SIGMAR1: variants seen among roughly 807,000 people sequenced by gnomAD.
SIGMAR1 encodes the protein SR31747 binding protein 1.
Under a neutral mutation model 25.4 loss-of-function variants are expected in SIGMAR1, and 18 were observed. The observed-to-expected ratio is 0.71, with a 90% confidence interval of 0.49 to 1.05. The LOEUF (loss-of-function observed/expected upper bound fraction) is 1.05, where lower values mean the gene tolerates loss of function less well. Among genes scored for constraint, SIGMAR1 ranks in the 50% least tolerant of loss-of-function variants. The pLI, the probability that SIGMAR1 is intolerant of heterozygous loss-of-function variation, is 0.00. For missense variants in SIGMAR1, 249 were observed against 301.6 expected, an observed-to-expected ratio of 0.83 and a Z score of 1.29; for synonymous variants, 125 against 131.6, an observed-to-expected ratio of 0.95 and a Z score of 0.34.
intron 2 of SIGMAR1, 25 bp from the exon 3 acceptor site, chr9:34,637,114 T>C (rs1432332418): frequency 1.2e-6 from 2 of 1,613,182 alleles, no homozygotes; most frequent in African/African-American, 1.3e-5. Flanking sequence ...CACATGACAC[T>C]ATCAGGGTAT....
In SIGMAR1 at chr9:34,635,315, C is replaced by A; in HGVS notation, c.*317G>T. ...GGGAAGCTGTGGAGCTATGGAAAGG[C>A]CTCAGTTAGTGAGTCAAGCTGTGAT... On this transcript the variant is annotated 3_prime_UTR_variant, in exon 4 of 4. Transcript: ENST00000277010. The surrounding 1 kb of genome is among the most constrained non-coding windows in gnomAD (Gnocchi z 4.5). 2.4e-6 allele frequency: 1 copy of A among 408,828 alleles called. No individual in the cohort carries two copies. Among genetic ancestry groups the A allele is most frequent in the South Asian group, 2.1e-5 (1 of 46,862 alleles). 25.3% of individuals were successfully genotyped at this position (408,828 alleles called of 1,614,324 possible).
rs138316977 is a variant in SIGMAR1, at chr9:34,635,630, G to A, written c.*2C>T. 1.2e-6 allele frequency: 2 copies of A among 1,614,102 alleles called. No individual in the cohort carries two copies. Among genetic ancestry groups the A allele is most frequent in the Non-Finnish European group, 8.5e-7 (1 of 1,179,958 alleles). The stretch of plus-strand genomic sequence containing the variant: ...CGCAGGTCTTCCTTCAGGCCTGGCT[G>A]GTCAAGGGTCCTGGCCAAAGAGGTA... On this transcript the variant is annotated 3_prime_UTR_variant, in exon 4 of 4. Transcript: ENST00000277010. This position sits in a 1 kb window ranked among gnomAD's most constrained non-coding sequence, Gnocchi z 4.5.
rs140376902 is a variant in SIGMAR1, at chr9:34,637,378, A to T, written c.194T>A (p.Leu65Gln). 178 of 1,605,952 alleles carry T rather than the reference A, an allele frequency of 1.1e-4. No individual in the cohort carries two copies. The highest frequency in any genetic ancestry group is 1.5e-4 in the Non-Finnish European group (174 of 1,179,632). The change falls in exon 2 of 4, where the codon CTG becomes CAG. Residue 65 changes from leucine to glutamine, a missense_variant. Leu to Gln is a moderately radical substitution (Grantham distance 113, BLOSUM62 -2). Coordinates refer to ENST00000277010, the MANE Select transcript of SIGMAR1 (RefSeq NM_005866.4). ...CACGTGGCCTGGGTGCAGCCGCCGC[A>T]GCTCCACGATCAGACGAGAGAAGGC... ...ELAFSRLIVE[L>Q]RRLHPGHVLP...
Position 34,635,521 on chromosome 9 carries a change from C to T in SIGMAR1, c.*111G>A. On this transcript the variant is annotated 3_prime_UTR_variant, in exon 4 of 4. Transcript: ENST00000277010. This position sits in a 1 kb window ranked among gnomAD's most constrained non-coding sequence, Gnocchi z 4.5. ...TATCCCTGCTCATACAGCAGGAACTCAGGATCTGCATGGTGTATGTCCCTG... is the reference window on the plus strand; with the variant it reads ...TATCCCTGCTCATACAGCAGGAACTTAGGATCTGCATGGTGTATGTCCCTG... 6.6e-7 allele frequency: 1 copy of T among 1,509,578 alleles called. No individual in the cohort carries two copies. The highest frequency in any genetic ancestry group is 1.4e-5 in the African/African-American group (1 of 72,574). The allele number at this position is 1,509,578 out of a possible 1,614,324, so 93.5% of individuals were successfully genotyped here. A position where few individuals can be genotyped will look rare whatever the true frequency, so the allele number is the denominator to read the frequency against.
chr9:34,635,949 G>A lies in SIGMAR1; in HGVS notation c.446-91C>T. Reference sequence around the variant, plus strand: ...CCTGGCCCATGGACTAACTAGGGGTGGGGAATGGAGAGGGAGCTTCAGAAA... The same window carrying A: ...CCTGGCCCATGGACTAACTAGGGGTAGGGAATGGAGAGGGAGCTTCAGAAA... On this transcript the variant is annotated intron_variant, in intron 3 of 3. Transcript: ENST00000277010. The surrounding 1 kb of genome is among the most constrained non-coding windows in gnomAD (Gnocchi z 4.5). 2.5e-6 allele frequency: 4 copies of A among 1,569,024 alleles called. No homozygotes were observed. The South Asian group carries it at 4.5e-5, about 18-fold the overall frequency.
At chr9:34,636,974 T>C in intron 3 of SIGMAR1, 23 bp downstream of exon 3, 1 of 1,603,248 alleles carries the variant, frequency 6.2e-7, no homozygotes, top group South Asian at 1.1e-5. Context: ...GACCCACTTC[T>C]CTGACAGAGC....
chr9:34,637,758 T>C lies in SIGMAR1; in HGVS notation c.-61A>G, dbSNP rs1019163958. On this transcript the variant is annotated 5_prime_UTR_variant, in exon 1 of 4. Transcript: ENST00000277010. ...GGAGCCGGGGCCTGAGGCTTTGCGC[T>C]CACGGCCTCGGAGCCCGCCGGCTGC... 12 of 1,249,274 alleles carry C rather than the reference T, an allele frequency of 9.6e-6. No individual in the cohort carries two copies. The highest frequency in any genetic ancestry group is 8.0e-5 in the African/African-American group (5 of 62,732). 77.4% of individuals were successfully genotyped at this position (1,249,274 alleles called of 1,614,324 possible). A position where few individuals can be genotyped will look rare whatever the true frequency, so the allele number is the denominator to read the frequency against.
Position 34,637,547 on chromosome 9 carries a change from C to T in SIGMAR1, c.151G>A (p.Gly51Arg). 1 of 1,584,910 alleles carries T rather than the reference C, an allele frequency of 6.3e-7. No homozygotes were observed. Among genetic ancestry groups the T allele is most frequent in the Non-Finnish European group, 8.5e-7 (1 of 1,169,964 alleles). Residue 51 changes from glycine (G) to arginine (R), a missense_variant and splice_region_variant, in exon 1 of 4, where the codon GGG becomes AGG. Coordinates refer to ENST00000277010, the MANE Select transcript of SIGMAR1 (RefSeq NM_005866.4). ...EIAQLARQYA[G>R]LDHELAFSRL... ...CCCTCCCTGCCCTCTGCCCGCTCAC[C>T]AGCGTACTGCCGCGCCAACTGCGCT...
At position 34,637,536 on chromosome 9, in the gene SIGMAR1, T is replaced by C; in HGVS notation, c.151+11A>G. On this transcript the variant is annotated intron_variant, in intron 1 of 3. Coordinates refer to ENST00000277010, the MANE Select transcript of SIGMAR1 (RefSeq NM_005866.4). ...GCCGGCCGCTCCCCTCCCTGCCCTC[T>C]GCCCGCTCACCAGCGTACTGCCGCG... The C allele has an allele frequency of 3.2e-6, 5 of 1,585,474 alleles. No individual in the cohort carries two copies. The highest frequency in any genetic ancestry group is 2.3e-5 in the East Asian group (1 of 43,576).
chr9:34,635,779 C>G lies in SIGMAR1; in HGVS notation c.525G>C (p.Arg175=). ...GPNTWMVEYG[R]GVIPSTLAFA... ...AGGCCAGGGTGGATGGGATGACGCC[C>G]CGGCCGTACTCCACCATCCATGTGT... Residue 175 remains arginine (R), a synonymous_variant, in exon 4 of 4, where the codon CGG becomes CGC. Coordinates refer to ENST00000277010, the MANE Select transcript of SIGMAR1 (RefSeq NM_005866.4). This position sits in a 1 kb window ranked among gnomAD's most constrained non-coding sequence, Gnocchi z 4.5. 6.2e-7 allele frequency: 1 copy of G among 1,614,206 alleles called. No homozygotes were observed. The highest frequency in any genetic ancestry group is 8.5e-7 in the Non-Finnish European group (1 of 1,180,038).
Position 34,635,314 on chromosome 9 carries a change from G to T in SIGMAR1, c.*318C>A. On this transcript the variant is annotated 3_prime_UTR_variant, in exon 4 of 4. Transcript: ENST00000277010. The surrounding 1 kb of genome is among the most constrained non-coding windows in gnomAD (Gnocchi z 4.5). ...TGGGAAGCTGTGGAGCTATGGAAAG[G>T]CCTCAGTTAGTGAGTCAAGCTGTGA... 4.9e-6 allele frequency: 2 copies of T among 407,468 alleles called. No individual in the cohort carries two copies. The highest frequency in any genetic ancestry group is 4.3e-5 in the South Asian group (2 of 46,842). 25.2% of individuals were successfully genotyped at this position (407,468 alleles called of 1,614,324 possible).
Position 34,635,899 on chromosome 9 carries a change from C to T in SIGMAR1, c.446-41G>A. 1 of 1,611,740 alleles carries T rather than the reference C, an allele frequency of 6.2e-7. No homozygotes were observed. Among genetic ancestry groups the T allele is most frequent in the Non-Finnish European group, 8.5e-7 (1 of 1,179,678 alleles). ...CACCCAAGTGAAAAGCCAGCTCTGC[C>T]CTGCCCTTCCATGGCTGCTGCTTCC... On this transcript the variant is annotated intron_variant, in intron 3 of 3. Coordinates refer to ENST00000277010, the MANE Select transcript of SIGMAR1 (RefSeq NM_005866.4). The surrounding 1 kb of genome is among the most constrained non-coding windows in gnomAD (Gnocchi z 4.5).
intron 3 of SIGMAR1, chr9:34,636,720 A>C: frequency 1.8e-6 from 1 of 546,072 alleles, no homozygotes; most frequent in South Asian, 2.0e-5. Context: ...TCTCCCCAAC[A>C]GTTGTTGGAA....
At chr9:34,637,472 CG>C in intron 1 of SIGMAR1, 52 bp from the exon 2 acceptor site, 1 of 1,583,838 alleles carries the variant, frequency 6.3e-7, no homozygotes. Context: ...GTCCTAGGTC[CG>C]GGGATGGCGC....
chr9:34,637,739 G>C lies in SIGMAR1; in HGVS notation c.-42C>G, dbSNP rs1820943478. 7.2e-7 allele frequency: 1 copy of C among 1,383,582 alleles called. No individual in the cohort carries two copies. Among genetic ancestry groups the C allele is most frequent in the Non-Finnish European group, 9.5e-7 (1 of 1,054,556 alleles). 85.7% of individuals were successfully genotyped at this position (1,383,582 alleles called of 1,614,324 possible). A position where few individuals can be genotyped will look rare whatever the true frequency, so the allele number is the denominator to read the frequency against. On this transcript the variant is annotated 5_prime_UTR_variant, in exon 1 of 4. Coordinates refer to ENST00000277010, the MANE Select transcript of SIGMAR1 (RefSeq NM_005866.4). Reference sequence around the variant, plus strand: ...GCACGGCGCAGCTCAGGAGGGAGCCGGGGCCTGAGGCTTTGCGCTCACGGC... The same window carrying C: ...GCACGGCGCAGCTCAGGAGGGAGCCCGGGCCTGAGGCTTTGCGCTCACGGC...
At chr9:34,636,923 T>G in intron 3 of SIGMAR1, 74 bp downstream of exon 3, 1 of 1,239,594 alleles carries the variant, frequency 8.1e-7, no homozygotes, top group Non-Finnish European at 1.2e-6. Context: ...TCCTTTTCCA[T>G]GCCATGCTCC....
In SIGMAR1 at chr9:34,637,216, T is replaced by G; in HGVS notation, c.352+4A>C. On this transcript the variant is annotated splice_donor_region_variant and intron_variant, in intron 2 of 3. Coordinates refer to ENST00000277010, the MANE Select transcript of SIGMAR1 (RefSeq NM_005866.4). ...TCCCAGTCTGGCCCGCCGCTAGCAC[T>G]GACCCGAGTGGCCGCGGGAGCCCAA... 1 of 1,558,148 alleles carries G rather than the reference T, an allele frequency of 6.4e-7. No individual in the cohort carries two copies. Among genetic ancestry groups the G allele is most frequent in the East Asian group, 2.4e-5 (1 of 42,176 alleles).
At position 34,635,983 on chromosome 9, in the gene SIGMAR1, G is replaced by A. The variant is rs1391466939; in HGVS notation, c.446-125C>T. The A allele has an allele frequency of 1.4e-6, 2 of 1,405,632 alleles. No homozygotes were observed. The highest frequency in any genetic ancestry group is 1.9e-6 in the Non-Finnish European group (2 of 1,031,344). 87.1% of individuals were successfully genotyped at this position (1,405,632 alleles called of 1,614,324 possible). The stretch of plus-strand genomic sequence containing the variant: ...AGAGGGAGCTTCAGAAAAACAAAAA[G>A]CCCTACCTCACTGGGCTGGCCCAGA... On this transcript the variant is annotated intron_variant, in intron 3 of 3. Coordinates refer to ENST00000277010, the MANE Select transcript of SIGMAR1 (RefSeq NM_005866.4). The surrounding 1 kb of genome is among the most constrained non-coding windows in gnomAD (Gnocchi z 4.5).
Position 34,635,838 on chromosome 9 carries a change from G to T in SIGMAR1, c.466C>A (p.Pro156Thr). The change falls in exon 4 of 4, where the codon CCT becomes ACT. Residue 156 changes from proline (P) to threonine (T), a missense_variant. By Grantham distance (38) the Pro-to-Thr change is conservative. Coordinates refer to ENST00000277010, the MANE Select transcript of SIGMAR1 (RefSeq NM_005866.4). The surrounding 1 kb of genome is among the most constrained non-coding windows in gnomAD (Gnocchi z 4.5). ...FYPGETVVHGPGEATAVEWGP... is the reference protein window; with the variant it reads ...FYPGETVVHGTGEATAVEWGP... The stretch of plus-strand genomic sequence containing the variant: ...CACTCCACAGCTGTTGCCTCACCAG[G>T]CCCGTGTACTACCGTCTCCCCTGGG... 6.2e-7 allele frequency: 1 copy of T among 1,614,108 alleles called. No individual in the cohort carries two copies. Among genetic ancestry groups the T allele is most frequent in the African/African-American group, 1.3e-5 (1 of 75,044 alleles).
Sources: allele counts gnomAD v4.1 joint callset, GRCh38; gene constraint gnomAD v4.1.1; non-coding constraint Gnocchi (gnomAD v3.1); transcripts MANE v1.5; gene names NCBI Gene and HGNC (gene_info 2026-07-23, HGNC 2026-07-21).